Variants in PCSK4 observed in about 807,000 individuals in gnomAD.
PCSK4 encodes testicular tissue protein Li 135.
A neutral mutation model predicts 80.3 loss-of-function variants in PCSK4; 64 were observed. The ratio of observed to expected loss-of-function variants is 0.80; its 90% CI spans 0.65 to 0.98. The LOEUF (loss-of-function observed/expected upper bound fraction) is 0.98, where lower values mean the gene tolerates loss of function less well. Among genes scored for constraint, PCSK4 ranks in the 50% least tolerant of loss-of-function variants. The probability of loss-of-function intolerance (pLI) is 0.00; values close to 1 mark genes in which losing one functional copy is unlikely to be tolerated. For missense variants in PCSK4, 1,213 were observed against 1,093.6 expected (o/e 1.11, Z -1.54); for synonymous variants, 561 against 487.6 (o/e 1.15, Z -1.98).
chr19:1,487,316 G>A lies in PCSK4; in HGVS notation c.683-3C>T, dbSNP rs2084677183. ...GGTACCGTCCAGCATCCGTACGCCT[G>A]CAGAGCCAGGGCGGGAGGGCCGCTG... On this transcript the variant is annotated splice_polypyrimidine_tract_variant and splice_region_variant and intron_variant, in intron 6 of 14. Transcript: ENST00000300954. 1 of 1,583,060 alleles carries A rather than the reference G, an allele frequency of 6.3e-7. No individual in the cohort carries two copies. The highest frequency in any genetic ancestry group is 1.3e-5 in the African/African-American group (1 of 74,576).
intron 13 of PCSK4, 152 bp downstream of exon 13, chr19:1,482,744 C>T (rs1032833008): frequency 3.5e-6 from 3 of 851,976 alleles, no homozygotes; most frequent in Non-Finnish European, 5.4e-6. Context: ...ACACCATCTC[C>T]CGGGTGACTG....
chr19:1,484,172 G>C (rs1298083718), intron 8 of PCSK4, 45 bp from the exon 9 acceptor site: 1 of 1,073,818 alleles, frequency 9.3e-7, no homozygotes, highest in Non-Finnish European at 1.4e-6. Flanking sequence ...TGCACAGTGA[G>C]AATACAGCCC....
chr19:1,482,279 T>C, intron 14 of PCSK4, 72 bp from the exon 15 acceptor site: 1 of 1,529,412 alleles, frequency 6.5e-7, no homozygotes, highest in Non-Finnish European at 8.7e-7. Flanking sequence ...CCCGCCCGCC[T>C]GGGGCCACAT....
At chr19:1,483,503 T>A in intron 11 of PCSK4, 40 bp from the exon 12 acceptor site, 5 of 493,986 alleles carry the variant, frequency 1.0e-5, no homozygotes, top group Non-Finnish European at 1.4e-5. Flanking sequence ...TGCGGCCTGC[T>A]GGGGGGTGGG....
intron 8 of PCSK4, 64 bp downstream of exon 8, chr19:1,486,789 G>C: frequency 7.3e-7 from 1 of 1,364,106 alleles, no homozygotes; most frequent in East Asian, 2.4e-5. Flanking sequence ...GGTGGGGACA[G>C]GAGGAGGCCA....
rs746540454 is a variant in PCSK4, at chr19:1,484,116, G to A, written c.1080C>T (p.Asp360=). The change falls in exon 9 of 15, where the codon GAC becomes GAT. Residue 360 remains aspartate, a synonymous_variant. Transcript: ENST00000300954. ...GCTGGTCTGTGCACCCGTGATGCAG[G>A]TCCGTGGTGACCTGAGGGCAGAGGG... is the stretch of plus-strand genomic sequence containing the variant. 9 of 1,559,608 alleles carry A rather than the reference G, an allele frequency of 5.8e-6. No individual in the cohort carries two copies. The African/African-American group carries it at 1.1e-4, about 19-fold the overall frequency.
At chr19:1,490,082 C>T in intron 1 of PCSK4, 76 bp downstream of exon 1, 4 of 1,568,528 alleles carry the variant, frequency 2.6e-6, no homozygotes, top group Non-Finnish European at 3.5e-6. Flanking sequence ...TTGTGGGCTC[C>T]CTCCCCCTTG....
At chr19:1,484,984 G>A (rs933373169) in intron 8 of PCSK4, among the ~76,000 whole-genome samples, 4 of 151,046 alleles carry the variant, frequency 2.6e-5, no homozygotes, top group African/African-American at 9.7e-5. Context: ...CGTCTCTACA[G>A]GAAAAATACA....
rs572331932 is a variant in PCSK4, at chr19:1,487,583, C to T, written c.682+20G>A. 53 of 1,541,932 alleles carry T rather than the reference C, an allele frequency of 3.4e-5. No homozygotes were observed. Among genetic ancestry groups the T allele is most frequent in the Admixed American group, 5.9e-5 (3 of 50,984 alleles). On this transcript the variant is annotated intron_variant, in intron 6 of 14. Coordinates refer to ENST00000300954, the Ensembl canonical transcript of PCSK4. ...TTCCCTCTCTGTCCCGGAATGGTGC[C>T]GCTGGGGGACCCCGGGTACCTCCGA...
intron 1 of PCSK4, 112 bp from the exon 2 acceptor site, chr19:1,490,009 A>G: frequency 6.6e-7 from 1 of 1,525,272 alleles, no homozygotes; most frequent in Non-Finnish European, 8.8e-7. Flanking sequence ...GCTCTCTGGG[A>G]GTCCCAGAAG....
chr19:1,486,606 GTAGTTT>G, intron 8 of PCSK4, among the ~76,000 whole-genome samples: 1 of 148,854 alleles, frequency 6.7e-6, no homozygotes, highest in East Asian at 2.0e-4. Flanking sequence ...TTTTTTTTTT[GTAGTTT>G]TAGTAGAGAC....
exon 14 of PCSK4, chr19:1,482,466 TACA>T: frequency 6.2e-7 from 1 of 1,604,030 alleles, no homozygotes; most frequent in South Asian, 1.1e-5. Context: ...CGTGTAGCGG[TACA>T]ACGTCCCTGG....
intron 2 of PCSK4, among the ~76,000 whole-genome samples, chr19:1,489,218 G>A (rs549077440): frequency 1.9e-4 from 28 of 146,878 alleles, no homozygotes; most frequent in Middle Eastern, 7.1e-3. Context: ...TGCAAGCTCC[G>A]CCTCCCGGGT....
chr19:1,482,477 T>G lies in PCSK4; in HGVS notation c.1697-2A>C, dbSNP rs142251885. On this transcript the variant is annotated splice_acceptor_variant, in intron 13 of 14. Coordinates refer to ENST00000300954, the Ensembl canonical transcript of PCSK4. LOFTEE classifies it high-confidence loss of function. ...GCAGCGTGTAGCGGTACAACGTCCC[T>G]GGACAGGGGTCGCGGGTGGGCACAG... is the stretch of plus-strand genomic sequence containing the variant. The G allele has an allele frequency of 9.4e-6, 15 of 1,600,084 alleles. No homozygotes were observed. The highest frequency in any genetic ancestry group is 1.3e-5 in the Non-Finnish European group (15 of 1,176,778).
Position 1,482,490 on chromosome 19 carries a change from C to G in PCSK4, c.1697-15G>C, listed in dbSNP as rs201619697. ...GTACAACGTCCCTGGACAGGGGTCG[C>G]GGGTGGGCACAGGAGGAAAAGGAGG... is the stretch of plus-strand genomic sequence containing the variant. On this transcript the variant is annotated splice_polypyrimidine_tract_variant and intron_variant, in intron 13 of 14. Coordinates refer to ENST00000300954, the Ensembl canonical transcript of PCSK4. 1 of 1,595,046 alleles carries G rather than the reference C, an allele frequency of 6.3e-7. No homozygotes were observed. The highest frequency in any genetic ancestry group is 8.5e-7 in the Non-Finnish European group (1 of 1,174,730).
exon 1 of PCSK4, chr19:1,490,264 G>A: frequency 6.2e-7 from 1 of 1,606,620 alleles, no homozygotes; most frequent in Non-Finnish European, 8.5e-7. Flanking sequence ...GGCTCGGACC[G>A]GGGCCCACCC....
chr19:1,482,471 C>A lies in PCSK4; in HGVS notation c.1701G>T (p.Thr567=), dbSNP rs765237169. 5 of 1,601,666 alleles carry A rather than the reference C, an allele frequency of 3.1e-6. No individual in the cohort carries two copies. The Admixed American group carries it at 5.0e-5, about 16-fold the overall frequency. Residue 567 remains threonine (T), a synonymous_variant, in exon 14 of 15, where the codon ACG becomes ACT. Coordinates refer to ENST00000300954, the Ensembl canonical transcript of PCSK4. ...AGAGCAGCAGCGTGTAGCGGTACAA[C>A]GTCCCTGGACAGGGGTCGCGGGTGG...
chr19:1,483,843 C>A, exon 10 of PCSK4: 1 of 1,490,226 alleles, frequency 6.7e-7, no homozygotes, highest in Non-Finnish European at 8.9e-7. Context: ...CGCACCTTGG[C>A]GCCCCACGCC....
At chr19:1,485,642 T>C (rs149831898) in intron 8 of PCSK4, among the ~76,000 whole-genome samples, 2,761 of 151,608 alleles carry the variant, frequency 0.018, 43 homozygotes, top group East Asian at 0.053. Flanking sequence ...GAGGCCGAGG[T>C]GGGCGGATCA....
Sources: gnomAD v4.1 joint callset for allele counts (sites outside exome capture counted in the v4.1 genomes callset) on GRCh38, gnomAD v4.1.1 for gene constraint, MANE v1.5 for transcripts, NCBI Gene and HGNC (gene_info 2026-07-23, HGNC 2026-07-21) for gene names.